CEP57: variants seen among roughly 807,000 people sequenced by gnomAD.
The protein encoded by CEP57 is centrosomal protein 57.
Under a neutral mutation model 68.0 loss-of-function variants are expected in CEP57, and 40 were observed. That is an observed-to-expected ratio of 0.59 (90% CI 0.46 to 0.77). The LOEUF is 0.77. Among genes scored for constraint, CEP57 ranks in the 30% least tolerant of loss-of-function variants. The probability of loss-of-function intolerance (pLI) is 0.00; values close to 1 mark genes in which losing one functional copy is unlikely to be tolerated. For missense variants in CEP57, 606 were observed against 580.7 expected (o/e 1.04, Z -0.45); for synonymous variants, 219 against 198.7 (o/e 1.10, Z -0.86).
At chr11:95,819,151 A>G (rs1862422187) in intron 6 of CEP57, among the ~76,000 whole-genome samples, 1 of 152,128 alleles carries the variant, frequency 6.6e-6, no homozygotes, top group South Asian at 2.1e-4. Context: ...ATAACAGACT[A>G]AAAAACATCA....
chr11:95,813,976 T>A (rs944937571), intron 4 of CEP57, among the ~76,000 whole-genome samples: 2 of 152,254 alleles, frequency 1.3e-5, no homozygotes, highest in Non-Finnish European at 2.9e-5. Flanking sequence ...TGTGCTTTCT[T>A]ACACCAGAGA....
chr11:95,819,329 CCCAGA>C (rs1330898302), intron 6 of CEP57, among the ~76,000 whole-genome samples: 2 of 152,078 alleles, frequency 1.3e-5, no homozygotes, highest in Admixed American at 1.3e-4. Context: ...TAGCTATTGA[CCCAGA>C]CCAGTTAACA....
rs944197336 is a variant in CEP57, at chr11:95,799,294, T to C, written c.108T>C (p.Tyr36=). The change falls in exon 2 of 11, where the codon TAT becomes TAC. Residue 36 remains tyrosine (Y), a synonymous_variant. Transcript: ENST00000325542. ...TGGTTCGGCATTCTTCATCTCCATA[T>C]GTAGTATATCCTTCGGATAAGCCTT... is the stretch of plus-strand genomic sequence containing the variant. ...GSMVRHSSSP[Y]VVYPSDKPFL... 1.9e-6 allele frequency: 3 copies of C among 1,614,144 alleles called. No individual in the cohort carries two copies. The highest frequency in any genetic ancestry group is 1.7e-5 in the Admixed American group (1 of 60,026).
chr11:95,822,970 T>G (rs1435798570), intron 8 of CEP57: 1 of 256,328 alleles, frequency 3.9e-6, no homozygotes, highest in Non-Finnish European at 7.8e-6. Flanking sequence ...CTGCTTGTCC[T>G]CACATCCAGA....
At chr11:95,803,068 A>G (rs1021380359) in intron 2 of CEP57, among the ~76,000 whole-genome samples, 3 of 152,210 alleles carry the variant, frequency 2.0e-5, no homozygotes, top group African/African-American at 7.2e-5. Flanking sequence ...CATCAGAAGT[A>G]AGTCTAAACT....
At chr11:95,792,489 ATATT>A (rs939169929) in intron 1 of CEP57, among the ~76,000 whole-genome samples, 2 of 152,250 alleles carry the variant, frequency 1.3e-5, no homozygotes, top group African/African-American at 4.8e-5. Context: ...ATAAAATAAA[ATATT>A]AAATAAACGT....
intron 1 of CEP57, among the ~76,000 whole-genome samples, chr11:95,797,160 AC>A (rs112862283): frequency 5.4e-3 from 167 of 31,166 alleles, no homozygotes; most frequent in African/African-American, 0.018. Flanking sequence ...CCCCCACCCC[AC>A]CCCCCTCCCA....
upstream of CEP57, chr11:95,790,366 T>A (rs543429145): frequency 1.8e-4 from 81 of 443,064 alleles, no homozygotes; most frequent in African/African-American, 1.5e-3. Flanking sequence ...AACCCCGGCG[T>A]TGTCTGCCCC....
chr11:95,807,999 C>T (rs973711824), intron 2 of CEP57, among the ~76,000 whole-genome samples: 1 of 152,080 alleles, frequency 6.6e-6, no homozygotes, highest in African/African-American at 2.4e-5. Flanking sequence ...AAGGGAAGCC[C>T]ATCAGACTAA....
intron 4 of CEP57, among the ~76,000 whole-genome samples, chr11:95,814,488 G>A (rs1389548579): frequency 2.6e-5 from 4 of 151,296 alleles, no homozygotes; most frequent in Non-Finnish European, 4.4e-5. Flanking sequence ...AGCCTCCCAA[G>A]TAGCTGGGAT....
At chr11:95,794,742 T>C (rs1861265916) in intron 1 of CEP57, among the ~76,000 whole-genome samples, 1 of 152,232 alleles carries the variant, frequency 6.6e-6, no homozygotes, top group Non-Finnish European at 1.5e-5. Context: ...GATTTCTGTT[T>C]AAGAAATTCT....
At chr11:95,829,563 A>G (rs1174685351) in intron 10 of CEP57, among the ~76,000 whole-genome samples, 2 of 152,224 alleles carry the variant, frequency 1.3e-5, no homozygotes, top group Non-Finnish European at 2.9e-5. Context: ...AATATATTTA[A>G]TATTCTTTAT....
At chr11:95,824,073 T>TAAA (rs71040119) in intron 8 of CEP57, among the ~76,000 whole-genome samples, 5 of 112,650 alleles carry the variant, frequency 4.4e-5, no homozygotes, top group African/African-American at 1.0e-4. Context: ...AGGCCTATTG[T>TAAA]AAAAAAAAAA....
At chr11:95,829,402 A>T (rs540399300) in intron 10 of CEP57, 71 bp downstream of exon 10, 10 of 1,407,978 alleles carry the variant, frequency 7.1e-6, no homozygotes, top group South Asian at 7.0e-5. Flanking sequence ...CAAATATTAA[A>T]TGATGACACT....
At chr11:95,822,051 G>A (rs563096432) in intron 7 of CEP57, 73 bp downstream of exon 7, 14 of 988,998 alleles carry the variant, frequency 1.4e-5, no homozygotes, top group Non-Finnish European at 2.2e-5. Flanking sequence ...CCCATAAACT[G>A]TGTGGTGTAC....
At chr11:95,817,497 G>A (rs1467394818) in intron 4 of CEP57, among the ~76,000 whole-genome samples, 2 of 152,178 alleles carry the variant, frequency 1.3e-5, no homozygotes, top group Non-Finnish European at 2.9e-5. Context: ...AAAAGTATTT[G>A]TGTGTGAAGC....
At position 95,790,738 on chromosome 11, in the gene CEP57, T is replaced by C. The variant is rs1436137040; in HGVS notation, c.40T>C (p.Leu14=). The change falls in exon 1 of 11, where the codon TTG becomes CTG. Residue 14 remains leucine, a synonymous_variant. Coordinates refer to ENST00000325542, the MANE Select transcript of CEP57 (RefSeq NM_014679.5). ...TGTCTCTGCGGCTTCTGGTTCTCAC[T>C]TGTCGGTAAGAAGCAGTTGGCGCGA... ...ASVSAASGSH[L]SNSFAEPSRS... The C allele has an allele frequency of 6.2e-7, 1 of 1,614,030 alleles. No homozygotes were observed. Among genetic ancestry groups the C allele is most frequent in the East Asian group, 2.2e-5 (1 of 44,880 alleles).
At chr11:95,794,681 A>G (rs1232450058) in intron 1 of CEP57, among the ~76,000 whole-genome samples, 2 of 152,048 alleles carry the variant, frequency 1.3e-5, no homozygotes, top group Non-Finnish European at 2.9e-5. Context: ...CTTTCGATTA[A>G]TAGTTGTTGT....
intron 3 of CEP57, 26 bp downstream of exon 3, chr11:95,813,137 TC>T (rs1245075243): frequency 1.2e-5 from 19 of 1,601,158 alleles, no homozygotes; most frequent in Non-Finnish European, 1.3e-5. Flanking sequence ...AAATTAAAAT[TC>T]TATCAAAATA....
Sources: allele counts gnomAD v4.1 joint callset (sites outside exome capture counted in the v4.1 genomes callset), GRCh38; gene constraint gnomAD v4.1.1; transcripts MANE v1.5; gene names NCBI Gene and HGNC (gene_info 2026-07-23, HGNC 2026-07-21).